MAST2: variants seen among roughly 807,000 people sequenced by gnomAD.
MAST2 encodes the protein microtubule associated serine/threonine kinase 2.
MAST2 carries 70 observed loss-of-function variants against 147.4 expected under a neutral mutation model. The observed-to-expected ratio is 0.47, with a 90% CI of 0.39 to 0.58. The LOEUF (loss-of-function observed/expected upper bound fraction) is 0.58, where lower values mean the gene tolerates loss of function less well. MAST2 is among the 20% of genes least tolerant of loss of function. MAST2 has a pLI of 0.00. For missense variants in MAST2, 2,080 were observed against 2,302.3 expected, an observed-to-expected ratio of 0.90 and a Z score of 1.98; for synonymous variants, 869 against 896.8, an observed-to-expected ratio of 0.97 and a Z score of 0.55.
At chr1:45,939,760 T>G (rs561586752) in intron 4 of MAST2, among the ~76,000 whole-genome samples, 2 of 152,232 alleles carry the variant, frequency 1.3e-5, no homozygotes, top group Admixed American at 6.5e-5. Context: ...CAGGCTGGTC[T>G]CAAACTCCTG....
intron 3 of MAST2, among the ~76,000 whole-genome samples, chr1:45,870,486 A>T (rs948180764): frequency 2.0e-5 from 3 of 149,744 alleles, no homozygotes; most frequent in Non-Finnish European, 3.0e-5. Context: ...CATTTTGTTT[A>T]TTTTGTTATT....
intron 17 of MAST2, among the ~76,000 whole-genome samples, chr1:46,028,552 G>A (rs139617600): frequency 2.7e-4 from 41 of 152,292 alleles, no homozygotes; most frequent in South Asian, 1.5e-3. Context: ...TGGTAGTTCC[G>A]GGCTAGAATG....
At chr1:45,917,411 C>G (rs755518247) in intron 4 of MAST2, 8 of 1,366,476 alleles carry the variant, frequency 5.9e-6, no homozygotes, top group Non-Finnish European at 7.8e-6. Flanking sequence ...CAGCCCTCTT[C>G]CTCACTAAAG....
At chr1:45,935,449 TTCA>T (rs1412074842) in intron 4 of MAST2, among the ~76,000 whole-genome samples, 3 of 152,206 alleles carry the variant, frequency 2.0e-5, no homozygotes, top group African/African-American at 7.2e-5. Context: ...TTTTGGTGTC[TTCA>T]TCATGAAGTC....
chr1:45,948,706 CAAAAAAAA>C (rs34012353), intron 4 of MAST2, among the ~76,000 whole-genome samples: 7 of 40,240 alleles, frequency 1.7e-4, no homozygotes, highest in South Asian at 2.1e-3. Flanking sequence ...GACTCCATCT[CAAAAAAAA>C]AAAAAAAAAA....
chr1:45,822,197 T>C (rs11211199), intron 1 of MAST2, among the ~76,000 whole-genome samples: 67,717 of 151,884 alleles, frequency 0.45, 15,364 homozygotes, highest in East Asian at 0.62. Flanking sequence ...CTATTTTCAG[T>C]GTTTTAATCT....
Position 46,023,281 on chromosome 1 carries a change from T to C in MAST2, c.1534T>C (p.Phe512Leu), listed in dbSNP as rs750898137. The part of the protein sequence containing the change: ...PSKKTPSEED[F>L]ETIKLISNGA... The stretch of plus-strand genomic sequence containing the variant: ...TAAAAAGACACCCTCTGAAGAGGAC[T>C]TCGAGACCATTAAGCTCATCAGCAA... The change falls in exon 14 of 29, where the codon TTC becomes CTC. Residue 512 changes from phenylalanine (F) to leucine (L), a missense_variant. Physicochemically the swap from Phe to Leu is conservative, Grantham distance 22. Transcript: ENST00000361297. This position sits in a 1 kb window ranked among gnomAD's most constrained non-coding sequence, Gnocchi z 4.9. 6.2e-7 allele frequency: 1 copy of C among 1,614,194 alleles called. No individual in the cohort carries two copies. The highest frequency in any genetic ancestry group is 8.5e-7 in the Non-Finnish European group (1 of 1,180,028).
chr1:45,868,158 T>A (rs1219440853), intron 3 of MAST2, among the ~76,000 whole-genome samples: 2 of 152,194 alleles, frequency 1.3e-5, no homozygotes, highest in Non-Finnish European at 2.9e-5. Flanking sequence ...AAGTTGGGTC[T>A]TTTTTGTGGT....
intron 5 of MAST2, among the ~76,000 whole-genome samples, chr1:45,975,732 T>A (rs1390858901): frequency 1.3e-5 from 2 of 151,338 alleles, no homozygotes; most frequent in Non-Finnish European, 2.9e-5. Context: ...GTTACTAGAT[T>A]ATAAACTGCT....
At chr1:45,968,484 T>TG (rs1413338483) in intron 5 of MAST2, among the ~76,000 whole-genome samples, 2 of 38,584 alleles carry the variant, frequency 5.2e-5, no homozygotes, top group African/African-American at 1.5e-4. Flanking sequence ...TTTTTGTTGT[T>TG]TTTTTTTTTT....
intron 3 of MAST2, among the ~76,000 whole-genome samples, chr1:45,866,356 T>G (rs951994825): frequency 6.6e-6 from 1 of 152,202 alleles, no homozygotes; most frequent in Non-Finnish European, 1.5e-5. Context: ...GGGGTTATTT[T>G]GAGTAGTATT....
At chr1:45,831,011 CAG>C (rs1037535282) in intron 3 of MAST2, among the ~76,000 whole-genome samples, 7 of 137,492 alleles carry the variant, frequency 5.1e-5, no homozygotes, top group Admixed American at 1.6e-4. Flanking sequence ...ACTCTGGCGA[CAG>C]AGTGAGACCT....
intron 4 of MAST2, among the ~76,000 whole-genome samples, chr1:45,920,329 T>G (rs1043991473): frequency 6.6e-6 from 1 of 152,204 alleles, no homozygotes; most frequent in African/African-American, 2.4e-5. Flanking sequence ...TCTAGCCACC[T>G]TAGCCTCCCC....
chr1:45,823,519 A>G (rs2148702263), intron 1 of MAST2, among the ~76,000 whole-genome samples: 1 of 152,044 alleles, frequency 6.6e-6, no homozygotes, highest in South Asian at 2.1e-4. Context: ...TATTTTTAGT[A>G]GAGACAGGGT....
intron 4 of MAST2, among the ~76,000 whole-genome samples, chr1:45,906,623 T>C (rs1650779358): frequency 6.8e-6 from 1 of 146,564 alleles, no homozygotes; most frequent in African/African-American, 2.5e-5. Context: ...ATAATTATAT[T>C]ATATGTTATT....
rs147380775 is a variant in MAST2 at position 45,943,661 on chromosome 1, G to A, written c.501-15725G>A. Among the ~76,000 whole-genome samples, 90 of 152,238 alleles carry A rather than the reference G, an allele frequency of 5.9e-4. No homozygotes were observed. The East Asian group carries it at 0.013, about 22-fold the overall frequency. On this transcript the variant is annotated intron_variant, in intron 4 of 28. Transcript: ENST00000361297. ...TCAGGAAGGCTGAGGCAGGAGAATCGCTTGAACCCGGGAGGCAGAGGTTGC... is the reference window on the plus strand; with the variant it reads ...TCAGGAAGGCTGAGGCAGGAGAATCACTTGAACCCGGGAGGCAGAGGTTGC...
At position 46,029,451 on chromosome 1, in the gene MAST2, C is replaced by T; in HGVS notation, c.2219-15C>T. The T allele has an allele frequency of 6.2e-7, 1 of 1,605,026 alleles. No individual in the cohort carries two copies. Among genetic ancestry groups the T allele is most frequent in the Non-Finnish European group, 8.5e-7 (1 of 1,172,554 alleles). On this transcript the variant is annotated splice_polypyrimidine_tract_variant and intron_variant, in intron 18 of 28. Coordinates refer to ENST00000361297, the MANE Select transcript of MAST2 (RefSeq NM_015112.3). ...CCACAATTTCTCCTTTCCCTCTCAC[C>T]CCTGATGACTTCAGATGAGATTGTG...
rs542948544 is a variant in MAST2 at position 46,031,599 on chromosome 1, G to A, written c.3187+14G>A. 13 of 1,604,172 alleles carry A rather than the reference G, an allele frequency of 8.1e-6. No homozygotes were observed. The African/African-American group carries it at 1.6e-4, about 20-fold the overall frequency. ...TCATTCCTTCGGGTGAGGCCCCTGG[G>A]GAGCTGGGATAAAACTCACAGGAAG... On this transcript the variant is annotated intron_variant, in intron 24 of 28. Coordinates refer to ENST00000361297, the MANE Select transcript of MAST2 (RefSeq NM_015112.3). The surrounding 1 kb of genome is among the most constrained non-coding windows in gnomAD (Gnocchi z 4.1).
chr1:46,031,584 G>C lies in MAST2; in HGVS notation c.3186G>C (p.Ser1062=). ...SATALSLLIP[S]EHHTCSPLAS... is the part of the protein sequence containing the mutation. ...CAGCCCTCTCACTCCTCATTCCTTC[G>C]GGTGAGGCCCCTGGGGAGCTGGGAT... Residue 1062 remains serine (S), a splice_region_variant and synonymous_variant, in exon 24 of 29, where the codon TCG becomes TCC. Transcript: ENST00000361297. This position sits in a 1 kb window ranked among gnomAD's most constrained non-coding sequence, Gnocchi z 4.1. 1.2e-6 allele frequency: 2 copies of C among 1,609,558 alleles called. No homozygotes were observed. The highest frequency in any genetic ancestry group is 1.7e-6 in the Non-Finnish European group (2 of 1,176,406).
Sources: allele counts gnomAD v4.1 joint callset (sites outside exome capture counted in the v4.1 genomes callset), GRCh38; gene constraint gnomAD v4.1.1; non-coding constraint Gnocchi (gnomAD v3.1); transcripts MANE v1.5; gene names NCBI Gene and HGNC (gene_info 2026-07-23, HGNC 2026-07-21).